Variants in ELMOD1 observed in about 807,000 individuals in gnomAD.
ELMOD1 encodes ELMO domain-containing protein 1.
A neutral mutation model predicts 46.7 loss-of-function variants in ELMOD1; 21 were observed. The ratio of observed to expected loss-of-function variants is 0.45; its 90% CI spans 0.32 to 0.65. The LOEUF is 0.65. Ranked by LOEUF, ELMOD1 falls within the 30% of genes least tolerant of loss-of-function variation. The pLI, the probability that ELMOD1 is intolerant of heterozygous loss-of-function variation, is 0.04. For missense variants in ELMOD1, 348 were observed against 407.8 expected, an observed-to-expected ratio of 0.85 and a Z score of 1.26; for synonymous variants, 122 against 138.2, an observed-to-expected ratio of 0.88 and a Z score of 0.82.
intron 1 of ELMOD1, among the ~76,000 whole-genome samples, chr11:107,615,485 G>A (rs993284043): frequency 6.3e-4 from 96 of 151,600 alleles, no homozygotes; most frequent in Admixed American, 3.9e-3. Context: ...CACCCACCTC[G>A]GCCTCCCAAA....
chr11:107,637,660 T>C (rs1039703791), intron 6 of ELMOD1, among the ~76,000 whole-genome samples: 3 of 151,006 alleles, frequency 2.0e-5, no homozygotes, highest in Admixed American at 6.6e-5. Flanking sequence ...ACCACTGCAC[T>C]CCAGCCTGGG....
chr11:107,602,191 G>A (rs1478960841), intron 1 of ELMOD1, among the ~76,000 whole-genome samples: 2 of 152,176 alleles, frequency 1.3e-5, no homozygotes, highest in East Asian at 1.9e-4. Flanking sequence ...CTGTGTTCCT[G>A]TTGACAAAAT....
chr11:107,659,667 A>ATGGG (rs1866697993), intron 11 of ELMOD1, among the ~76,000 whole-genome samples: 2 of 84,424 alleles, frequency 2.4e-5, no homozygotes, highest in Non-Finnish European at 6.3e-5. Context: ...GGGTGGGTGG[A>ATGGG]TGGATGGATG....
rs544141706 is a variant in ELMOD1, at chr11:107,666,623, A to G, written c.*1426A>G. ...GATTGTAGTCTGTTGAATAGTATTT[A>G]CCATGGCATTTCATACCCATGGTAT... On this transcript the variant is annotated 3_prime_UTR_variant, in exon 12 of 12. Transcript: ENST00000265840. 15 of 152,674 alleles carry G rather than the reference A, an allele frequency of 9.8e-5. No individual in the cohort carries two copies. Among genetic ancestry groups the G allele is most frequent in the Non-Finnish European group, 1.8e-4 (12 of 68,050 alleles). 9.5% of individuals were successfully genotyped at this position (152,674 alleles called of 1,614,324 possible). A position where few individuals can be genotyped will look rare whatever the true frequency, so the allele number is the denominator to read the frequency against.
intron 1 of ELMOD1, among the ~76,000 whole-genome samples, chr11:107,617,008 C>T (rs1297932345): frequency 1.3e-5 from 2 of 152,186 alleles, no homozygotes; most frequent in Non-Finnish European, 2.9e-5. Flanking sequence ...GTTCCCACCA[C>T]TCAAAATGAA....
At chr11:107,624,456 G>A (rs1016912738) in intron 2 of ELMOD1, among the ~76,000 whole-genome samples, 1 of 152,118 alleles carries the variant, frequency 6.6e-6, no homozygotes, top group Non-Finnish European at 1.5e-5. Flanking sequence ...TTCAAGACCA[G>A]CTTGGGCAAC....
At chr11:107,663,545 A>G (rs1866782524) in intron 11 of ELMOD1, among the ~76,000 whole-genome samples, 2 of 152,086 alleles carry the variant, frequency 1.3e-5, no homozygotes, top group South Asian at 4.2e-4. Context: ...CTTCTCCTAT[A>G]TTTACAGAGA....
chr11:107,601,377 A>G (rs757911479), intron 1 of ELMOD1, among the ~76,000 whole-genome samples: 1 of 148,606 alleles, frequency 6.7e-6, no homozygotes, highest in Non-Finnish European at 1.5e-5. Context: ...TAGTAATTCT[A>G]ATTTTTTCTT....
intron 6 of ELMOD1, among the ~76,000 whole-genome samples, chr11:107,647,200 T>G (rs2135706275): frequency 6.6e-6 from 1 of 152,302 alleles, no homozygotes; most frequent in South Asian, 2.1e-4. Flanking sequence ...TTTGGTTTTG[T>G]TTTTATCTCT....
intron 10 of ELMOD1, 103 bp from the exon 11 acceptor site, chr11:107,655,830 T>C (rs181198674): frequency 1.6e-6 from 2 of 1,251,440 alleles, no homozygotes; most frequent in African/African-American, 3.0e-5. Context: ...ATGGCATTTG[T>C]ACACTGTCGT....
intron 6 of ELMOD1, among the ~76,000 whole-genome samples, chr11:107,637,957 G>A (rs921254777): frequency 1.3e-5 from 2 of 152,012 alleles, no homozygotes; most frequent in Non-Finnish European, 2.9e-5. Context: ...ATGTCCTATA[G>A]TAGAAAGCCC....
At chr11:107,607,211 AG>A (rs1330456968) in intron 1 of ELMOD1, among the ~76,000 whole-genome samples, 1 of 152,208 alleles carries the variant, frequency 6.6e-6, no homozygotes, top group Admixed American at 6.5e-5. Context: ...ATCAGACTCT[AG>A]AAGGGCCACA....
chr11:107,601,780 A>G (rs775625029), intron 1 of ELMOD1, among the ~76,000 whole-genome samples: 32 of 152,058 alleles, frequency 2.1e-4, no homozygotes, highest in Non-Finnish European at 4.3e-4. Flanking sequence ...TTTATCCCCA[A>G]ACCAACAGAG....
intron 1 of ELMOD1, among the ~76,000 whole-genome samples, chr11:107,610,480 A>G (rs1394261530): frequency 6.6e-6 from 1 of 152,018 alleles, no homozygotes; most frequent in African/African-American, 2.4e-5. Context: ...CCTGGCCAAC[A>G]TGTCAAAACC....
At chr11:107,643,812 G>A (rs549769830) in intron 6 of ELMOD1, 6 of 323,716 alleles carry the variant, frequency 1.9e-5, no homozygotes, top group South Asian at 9.9e-5. Flanking sequence ...CAAAAGAATC[G>A]TCAGGCCAGG....
At chr11:107,626,870 A>C (rs969559440) in intron 2 of ELMOD1, among the ~76,000 whole-genome samples, 2 of 152,184 alleles carry the variant, frequency 1.3e-5, no homozygotes, top group African/African-American at 4.8e-5. Context: ...CAAATTATTT[A>C]AGAAGTGAGC....
At chr11:107,650,020 A>G (rs752327055) in intron 7 of ELMOD1, among the ~76,000 whole-genome samples, 1 of 151,684 alleles carries the variant, frequency 6.6e-6, no homozygotes, top group Non-Finnish European at 1.5e-5. Context: ...AAACTATTCG[A>G]CCTCCTCTTC....
chr11:107,617,428 C>T (rs1380257821), intron 1 of ELMOD1, among the ~76,000 whole-genome samples: 2 of 152,232 alleles, frequency 1.3e-5, no homozygotes, highest in African/African-American at 4.8e-5. Context: ...CCCTCTCATC[C>T]TAACTTGCTG....
intron 9 of ELMOD1, among the ~76,000 whole-genome samples, chr11:107,651,306 TTG>T (rs201832941): frequency 3.5e-4 from 53 of 152,214 alleles, no homozygotes; most frequent in Non-Finnish European, 7.5e-4. Context: ...AATGATAGTT[TTG>T]TGTGTGTGTG....
Sources: allele counts gnomAD v4.1 joint callset (sites outside exome capture counted in the v4.1 genomes callset), GRCh38; gene constraint gnomAD v4.1.1; transcripts MANE v1.5; gene names NCBI Gene and HGNC (gene_info 2026-07-23, HGNC 2026-07-21).